DEK: variants seen among roughly 807,000 people sequenced by gnomAD.
DEK encodes the protein DEK proto-oncogene.
A neutral mutation model predicts 46.8 loss-of-function variants in DEK; 28 were observed. That is an observed-to-expected ratio of 0.60 (90% CI 0.44 to 0.82). DEK has a LOEUF of 0.82. DEK is among the 40% of genes least tolerant of loss of function. The pLI is 0.00. For synonymous variants in DEK, 160 were observed against 144.5 expected (o/e 1.11, Z -0.77); for missense variants, 416 against 430.6 (o/e 0.97, Z 0.30).
At chr6:18,232,802 C>A (rs189824077) in intron 9 of DEK, among the ~76,000 whole-genome samples, 1 of 152,246 alleles carries the variant, frequency 6.6e-6, no homozygotes, top group Admixed American at 6.5e-5. Flanking sequence ...AGATTCAATG[C>A]CATCCCCATC....
At position 18,225,896 on chromosome 6, in the gene DEK, C is replaced by G. The variant is rs1790103074; in HGVS notation, c.1117-166G>C. ...CCTTTGCCTCGTAGACAGGAACTTC[C>G]TCAAGTATTTGTGAGAGCAACGTTG... On this transcript the variant is annotated intron_variant, in intron 10 of 10. Coordinates refer to ENST00000652689, the MANE Select transcript of DEK (RefSeq NM_003472.4). The G allele has an allele frequency of 3.6e-6, 3 of 840,756 alleles. No individual in the cohort carries two copies. The East Asian group carries it at 8.0e-5, about 22-fold the overall frequency. 52.1% of individuals were successfully genotyped at this position (840,756 alleles called of 1,614,324 possible).
intron 7 of DEK, among the ~76,000 whole-genome samples, chr6:18,248,564 T>C (rs1447949694): frequency 6.6e-6 from 1 of 152,214 alleles, no homozygotes; most frequent in African/African-American, 2.4e-5. Flanking sequence ...ACTAGATTCG[T>C]AACCCTCTTT....
Position 18,257,976 on chromosome 6 carries a change from G to A in DEK, c.334C>T (p.Leu112=). 4 of 1,609,694 alleles carry A rather than the reference G, an allele frequency of 2.5e-6. No individual in the cohort carries two copies. Among genetic ancestry groups the A allele is most frequent in the South Asian group, 1.1e-5 (1 of 89,452 alleles). The change falls in exon 4 of 11, where the codon CTG becomes TTG. Residue 112 remains leucine (L), a synonymous_variant. Coordinates refer to ENST00000652689, the MANE Select transcript of DEK (RefSeq NM_003472.4). ...KTDELRNLHK[L]LYNRPGTVSS... ...ACAGTGCCTGGCCTGTTGTAAAGCAGTTTGTGTAGATTTCTAAGTTCATCG... is the reference window on the plus strand; with the variant it reads ...ACAGTGCCTGGCCTGTTGTAAAGCAATTTGTGTAGATTTCTAAGTTCATCG...
At chr6:18,262,790 G>C (rs1399639795) in intron 2 of DEK, among the ~76,000 whole-genome samples, 1 of 152,154 alleles carries the variant, frequency 6.6e-6, no homozygotes, top group Non-Finnish European at 1.5e-5. Flanking sequence ...ATGTTGTTAA[G>C]CAATAGTTTA....
chr6:18,236,332 G>A (rs951195156), intron 9 of DEK, 120 bp downstream of exon 9: 1 of 1,051,940 alleles, frequency 9.5e-7, no homozygotes. Flanking sequence ...CTGGCATATA[G>A]TAGTTCAATA....
chr6:18,255,718 A>T lies in DEK; in HGVS notation c.573+13T>A, dbSNP rs770482421. 6.3e-7 allele frequency: 1 copy of T among 1,582,020 alleles called. No individual in the cohort carries two copies. The highest frequency in any genetic ancestry group is 2.0e-5 in the Admixed American group (1 of 49,800). ...ATAACTGATTTATGAAAAAAATAAAAATTGATCCTCACTTTGCCAGAAGGC... is the reference window on the plus strand; with the variant it reads ...ATAACTGATTTATGAAAAAAATAAATATTGATCCTCACTTTGCCAGAAGGC... On this transcript the variant is annotated intron_variant, in intron 6 of 10. Coordinates refer to ENST00000652689, the MANE Select transcript of DEK (RefSeq NM_003472.4).
At chr6:18,236,091 A>G (rs1013955678) in intron 9 of DEK, among the ~76,000 whole-genome samples, 5 of 152,242 alleles carry the variant, frequency 3.3e-5, no homozygotes, top group African/African-American at 1.2e-4. Flanking sequence ...TATCACACTA[A>G]GAAGAGAATA....
rs757621134 is a variant in DEK, at chr6:18,236,476, G to A, written c.1023C>T (p.Val341=). 3 of 1,610,326 alleles carry A rather than the reference G, an allele frequency of 1.9e-6. No homozygotes were observed. The highest frequency in any genetic ancestry group is 1.3e-5 in the African/African-American group (1 of 74,624). Residue 341 remains valine (V), a synonymous_variant, in exon 9 of 11, where the codon GTC becomes GTT. Transcript: ENST00000652689. ...KLLASANLEE[V]TMKQICKKVY... ...CCTTTTTGCAAATCTGTTTCATTGT[G>A]ACTTCTTCCAAGTTAGCACTGGCCA...
chr6:18,263,694 G>C, intron 2 of DEK, 149 bp downstream of exon 2: 1 of 1,534,782 alleles, frequency 6.5e-7, no homozygotes, highest in South Asian at 1.2e-5. Flanking sequence ...CAAAACAAAA[G>C]CAGATAAATT....
chr6:18,256,598 T>C, intron 4 of DEK, 143 bp from the exon 5 acceptor site: 1 of 558,514 alleles, frequency 1.8e-6, no homozygotes, highest in Non-Finnish European at 3.1e-6. Flanking sequence ...ACCAATTCAA[T>C]ATGGGTTCAA....
At chr6:18,257,320 A>C (rs1037948946) in intron 4 of DEK, among the ~76,000 whole-genome samples, 1 of 152,198 alleles carries the variant, frequency 6.6e-6, no homozygotes, top group Non-Finnish European at 1.5e-5. Context: ...CAAAAACATG[A>C]ATTTCTTTCA....
In DEK at chr6:18,258,295, T is replaced by A. The variant is rs950601254; in HGVS notation, c.247+9A>T. 20 of 1,599,134 alleles carry A rather than the reference T, an allele frequency of 1.3e-5. No homozygotes were observed. The Middle Eastern group carries it at 1.0e-3, about 80-fold the overall frequency. Reference sequence around the variant, plus strand: ...ACCACAAAATGAAAGGAAGCTAGAATAAACTTACCTTGTGCAATTGTAAAT... The same window carrying A: ...ACCACAAAATGAAAGGAAGCTAGAAAAAACTTACCTTGTGCAATTGTAAAT... On this transcript the variant is annotated intron_variant, in intron 3 of 10. Coordinates refer to ENST00000652689, the MANE Select transcript of DEK (RefSeq NM_003472.4).
In DEK at chr6:18,264,030, C is replaced by T. The variant is rs762849194; in HGVS notation, c.-9-34G>A. ...GGGAAGAAAGCCGGACGTCTCGGTCCTCCTACTCCCGCAGGCAGGACCGGG... is the reference window on the plus strand; with the variant it reads ...GGGAAGAAAGCCGGACGTCTCGGTCTTCCTACTCCCGCAGGCAGGACCGGG... On this transcript the variant is annotated intron_variant, in intron 1 of 10. Coordinates refer to ENST00000652689, the MANE Select transcript of DEK (RefSeq NM_003472.4). 1.0e-4 allele frequency: 163 copies of T among 1,561,364 alleles called. 1 individual carries two copies. Among genetic ancestry groups the T allele is most frequent in the Non-Finnish European group, 1.4e-4 (158 of 1,154,940 alleles).
At chr6:18,253,407 T>A (rs1250101505) in intron 6 of DEK, among the ~76,000 whole-genome samples, 1 of 152,220 alleles carries the variant, frequency 6.6e-6, no homozygotes, top group Admixed American at 6.5e-5. Flanking sequence ...AAGGCCTAAG[T>A]AATTTTTCTG....
intron 7 of DEK, among the ~76,000 whole-genome samples, chr6:18,245,945 T>C (rs1791094631): frequency 1.3e-5 from 2 of 152,088 alleles, no homozygotes; most frequent in Non-Finnish European, 2.9e-5. Flanking sequence ...TAAAAGGGAG[T>C]TGCCCTATAC....
rs567687582 is a variant in DEK at position 18,250,296 on chromosome 6, C to T, written c.574-457G>A. Among the ~76,000 whole-genome samples, 22 of 152,136 alleles carry T rather than the reference C, an allele frequency of 1.4e-4. No individual in the cohort carries two copies. The East Asian group carries it at 3.9e-3, about 27-fold the overall frequency. On this transcript the variant is annotated intron_variant, in intron 6 of 10. Coordinates refer to ENST00000652689, the MANE Select transcript of DEK (RefSeq NM_003472.4). ...CATCCTGGCTAACACGGTGAAACCCCGTCTCTACTAAAAATACAAAAAATT... is the reference window on the plus strand; with the variant it reads ...CATCCTGGCTAACACGGTGAAACCCTGTCTCTACTAAAAATACAAAAAATT...
intron 7 of DEK, among the ~76,000 whole-genome samples, chr6:18,247,039 T>G (rs1275139917): frequency 1.3e-5 from 2 of 152,180 alleles, no homozygotes; most frequent in Non-Finnish European, 2.9e-5. Context: ...AAGAGGTCCT[T>G]CCATAGTAAT....
At chr6:18,237,074 G>A (rs1203424569) in intron 8 of DEK, 1 of 238,156 alleles carries the variant, frequency 4.2e-6, no homozygotes, top group Admixed American at 5.3e-5. Context: ...AATTTATTTA[G>A]TTAAAATATT....
At chr6:18,235,504 C>T (rs1402984687) in intron 9 of DEK, among the ~76,000 whole-genome samples, 1 of 152,222 alleles carries the variant, frequency 6.6e-6, no homozygotes, top group Non-Finnish European at 1.5e-5. Context: ...GGTGCTTGTT[C>T]TGTGGCACTG....
Sources: gnomAD v4.1 joint callset for allele counts (sites outside exome capture counted in the v4.1 genomes callset) on GRCh38, gnomAD v4.1.1 for gene constraint, MANE v1.5 for transcripts, NCBI Gene and HGNC (gene_info 2026-07-23, HGNC 2026-07-21) for gene names.